Variants in ANKIB1 observed in about 807,000 individuals in gnomAD.
ANKIB1 encodes ankyrin repeat and IBR domain-containing protein 1.
In ANKIB1, 43 loss-of-function variants were observed where a neutral mutation model predicts 122.1. The observed-to-expected ratio is 0.35, with a 90% CI of 0.28 to 0.45. The LOEUF is 0.45. Ranked by LOEUF, ANKIB1 falls within the 20% of genes least tolerant of loss-of-function variation. ANKIB1 has a pLI of 1.00. For synonymous variants in ANKIB1, 390 were observed against 442.0 expected (o/e 0.88, Z 1.48); for missense variants, 992 against 1,329.5 (o/e 0.75, Z 3.95).
intron 2 of ANKIB1, among the ~76,000 whole-genome samples, chr7:92,300,322 T>C (rs978960434): frequency 9.2e-5 from 14 of 152,246 alleles, no homozygotes; most frequent in African/African-American, 1.7e-4. Context: ...TTTATACTTA[T>C]GTTTTTACAA....
intron 11 of ANKIB1, among the ~76,000 whole-genome samples, chr7:92,380,594 G>A (rs191733092): frequency 1.4e-4 from 22 of 152,298 alleles, no homozygotes; most frequent in African/African-American, 5.1e-4. Context: ...TGCAGCCTCC[G>A]CTGGTGACAC....
intron 11 of ANKIB1, among the ~76,000 whole-genome samples, chr7:92,380,977 C>G (rs568025366): frequency 1.3e-5 from 2 of 152,062 alleles, no homozygotes; most frequent in Non-Finnish European, 2.9e-5. Flanking sequence ...GGAGGAAGTT[C>G]GAACCCATCA....
intron 1 of ANKIB1, among the ~76,000 whole-genome samples, chr7:92,252,398 T>C (rs902809908): frequency 6.6e-6 from 1 of 150,984 alleles, no homozygotes; most frequent in African/African-American, 2.4e-5. Flanking sequence ...TTTTTTTTTT[T>C]TTTTTTGAGA....
In ANKIB1 at chr7:92,388,033, T is replaced by G; in HGVS notation, c.1898T>G (p.Leu633Arg). 6.4e-7 allele frequency: 1 copy of G among 1,567,186 alleles called. No individual in the cohort carries two copies. Among genetic ancestry groups the G allele is most frequent in the Non-Finnish European group, 8.7e-7 (1 of 1,154,882 alleles). The stretch of plus-strand genomic sequence containing the variant: ...AAGATGGAGCAATTGAGCAGAGCTC[T>G]CAAAGAAAGTAAGTTATAAGTTGTA... ...KEKMEQLSRA[L>R]KETEGGCPDT... is the part of the protein sequence containing the mutation. The change falls in exon 14 of 20, where the codon CTC becomes CGC. Residue 633 changes from leucine (L) to arginine (R), a missense_variant. Leu to Arg is a moderately radical substitution (Grantham distance 102). Coordinates refer to ENST00000265742, the MANE Select transcript of ANKIB1 (RefSeq NM_019004.2).
At chr7:92,305,178 G>A (rs1802533662) in intron 2 of ANKIB1, among the ~76,000 whole-genome samples, 1 of 152,146 alleles carries the variant, frequency 6.6e-6, no homozygotes, top group Non-Finnish European at 1.5e-5. Flanking sequence ...ACTCTCAGGA[G>A]TAGTTTTACT....
At chr7:92,363,891 C>A (rs1370910753) in intron 10 of ANKIB1, among the ~76,000 whole-genome samples, 1 of 152,184 alleles carries the variant, frequency 6.6e-6, no homozygotes, top group Non-Finnish European at 1.5e-5. Flanking sequence ...GAAAGAGATT[C>A]CTTTCACTTG....
At chr7:92,276,599 T>C (rs774431541) in intron 1 of ANKIB1, among the ~76,000 whole-genome samples, 1 of 152,230 alleles carries the variant, frequency 6.6e-6, no homozygotes, top group Non-Finnish European at 1.5e-5. Flanking sequence ...CTAAGCCCTT[T>C]AGAGGTCCAG....
At position 92,397,877 on chromosome 7, in the gene ANKIB1, C is replaced by T. The variant is rs775713686; in HGVS notation, c.2532+18C>T. The T allele has an allele frequency of 6.3e-7, 1 of 1,595,658 alleles. No individual in the cohort carries two copies. Among genetic ancestry groups the T allele is most frequent in the South Asian group, 1.1e-5 (1 of 87,970 alleles). ...CTCTTCAGGTAGCCTTTCTGAACAG[C>T]CTCATTGCCTGTGCTTTTACTCTTT... On this transcript the variant is annotated intron_variant, in intron 19 of 19. Transcript: ENST00000265742.
intron 1 of ANKIB1, among the ~76,000 whole-genome samples, chr7:92,289,127 G>A (rs1411949172): frequency 1.3e-5 from 2 of 152,172 alleles, no homozygotes; most frequent in African/African-American, 4.8e-5. Flanking sequence ...CCTTCAATAA[G>A]TGAATGATTA....
chr7:92,388,723 GA>G (rs1441924749), intron 14 of ANKIB1, among the ~76,000 whole-genome samples: 1 of 152,124 alleles, frequency 6.6e-6, no homozygotes, highest in Admixed American at 6.5e-5. Context: ...ATTTTAAGGT[GA>G]AAAATGTGAT....
chr7:92,350,921 G>T, intron 7 of ANKIB1, 29 bp from the exon 8 acceptor site: 1 of 1,567,098 alleles, frequency 6.4e-7, no homozygotes, highest in South Asian at 1.2e-5. Context: ...ATCCTTGCTC[G>T]TTTGATGTGC....
At chr7:92,353,638 A>G (rs1366294562) in intron 9 of ANKIB1, among the ~76,000 whole-genome samples, 1 of 152,196 alleles carries the variant, frequency 6.6e-6, no homozygotes, top group Non-Finnish European at 1.5e-5. Context: ...ACCCTGGTCT[A>G]CTTCTTACCT....
At chr7:92,258,669 A>G (rs1801499674) in intron 1 of ANKIB1, among the ~76,000 whole-genome samples, 1 of 152,232 alleles carries the variant, frequency 6.6e-6, no homozygotes, top group African/African-American at 2.4e-5. Flanking sequence ...AAAAAAATTG[A>G]TGAAATTAAT....
At chr7:92,332,809 CT>C (rs1056924883) in intron 5 of ANKIB1, among the ~76,000 whole-genome samples, 3 of 152,194 alleles carry the variant, frequency 2.0e-5, no homozygotes, top group Admixed American at 6.5e-5. Flanking sequence ...TTTCTCCCCC[CT>C]GGACTAGACC....
At chr7:92,360,136 G>GT (rs1363650423) in intron 9 of ANKIB1, among the ~76,000 whole-genome samples, 1 of 152,000 alleles carries the variant, frequency 6.6e-6, no homozygotes, top group African/African-American at 2.4e-5. Context: ...TGCATTCACA[G>GT]TGCAACTATA....
intron 2 of ANKIB1, among the ~76,000 whole-genome samples, chr7:92,304,087 T>A (rs1388753467): frequency 1.3e-5 from 2 of 151,978 alleles, no homozygotes; most frequent in East Asian, 3.9e-4. Flanking sequence ...AAAAAACCCA[T>A]AACTACTAAC....
chr7:92,374,242 T>A (rs1442167010), intron 11 of ANKIB1, among the ~76,000 whole-genome samples: 1 of 152,154 alleles, frequency 6.6e-6, no homozygotes, highest in Non-Finnish European at 1.5e-5. Flanking sequence ...TTTGGGAGGC[T>A]GAGGCAGGCA....
chr7:92,309,938 A>ATATATATATATATATAT (rs961914373), intron 3 of ANKIB1, among the ~76,000 whole-genome samples: 4 of 112,572 alleles, frequency 3.6e-5, no homozygotes, highest in African/African-American at 1.5e-4. Flanking sequence ...AAAAAAAAAA[A>ATATATATATATATATAT]AAAAATATAT....
At chr7:92,331,456 T>A (rs4729027) in intron 5 of ANKIB1, among the ~76,000 whole-genome samples, 14,495 of 151,810 alleles carry the variant, frequency 0.095, 905 homozygotes, top group East Asian at 0.36. Flanking sequence ...TTAGTAGAGA[T>A]GGGGTTTCAC....
Sources: gnomAD v4.1 joint callset for allele counts (sites outside exome capture counted in the v4.1 genomes callset) on GRCh38, gnomAD v4.1.1 for gene constraint, MANE v1.5 for transcripts, NCBI Gene and HGNC (gene_info 2026-07-23, HGNC 2026-07-21) for gene names.